The following GRM5 variants were observed in gnomAD, a reference collection of about 807,000 sequenced individuals.
GRM5 encodes the protein metabotropic glutamate receptor 5.
GRM5 carries 19 observed loss-of-function variants against 83.1 expected under a neutral mutation model. The observed-to-expected ratio is 0.23, with a 90% CI of 0.16 to 0.34. GRM5 has a LOEUF of 0.34. GRM5 is among the 10% of genes least tolerant of loss of function. The pLI is 1.00. For missense variants in GRM5, 1,160 were observed against 1,588.3 expected, an observed-to-expected ratio of 0.73 and a Z score of 4.58; for synonymous variants, 675 against 633.6, an observed-to-expected ratio of 1.07 and a Z score of -0.98.
At chr11:88,788,085 C>T (rs1300329188) in intron 3 of GRM5, among the ~76,000 whole-genome samples, 1 of 152,162 alleles carries the variant, frequency 6.6e-6, no homozygotes, top group Non-Finnish European at 1.5e-5. Context: ...TCCTGCTGGG[C>T]TTACCAGCTA....
rs1941671193 is a variant in GRM5 at position 89,047,698 on chromosome 11, C to T, written c.175G>A (p.Ala59Thr). The T allele has an allele frequency of 3.7e-6, 6 of 1,614,050 alleles. No individual in the cohort carries two copies. The highest frequency in any genetic ancestry group is 5.1e-6 in the Non-Finnish European group (6 of 1,179,984). Residue 59 changes from alanine to threonine, a missense_variant, in exon 2 of 10, where the codon GCG (alanine) becomes ACG (threonine). Coordinates refer to ENST00000305447, the MANE Select transcript of GRM5 (RefSeq NM_001143831.3). The surrounding 1 kb of genome is among the most constrained non-coding windows in gnomAD (Gnocchi z 5.1). The part of the protein sequence containing the change: ...VDKVHERKCG[A>T]VREQYGIQRV... Reference sequence around the variant, plus strand: ...TGAATGCCATACTGTTCACGGACCGCCCCACACTTCCTCTCATGAACTTTG... The same window carrying T: ...TGAATGCCATACTGTTCACGGACCGTCCCACACTTCCTCTCATGAACTTTG...
chr11:88,981,939 C>A (rs537334341), intron 2 of GRM5, among the ~76,000 whole-genome samples: 7 of 152,234 alleles, frequency 4.6e-5, no homozygotes, highest in Non-Finnish European at 8.8e-5. Context: ...ATTGATCAGC[C>A]ATGTTAGTTT....
intron 4 of GRM5, among the ~76,000 whole-genome samples, chr11:88,640,150 G>A (rs538868359): frequency 7.9e-5 from 12 of 152,202 alleles, no homozygotes; most frequent in African/African-American, 2.6e-4. Flanking sequence ...AATAATTCAA[G>A]AATGGGTATT....
chr11:88,794,839 C>T (rs1191596020), intron 3 of GRM5, among the ~76,000 whole-genome samples: 2 of 152,104 alleles, frequency 1.3e-5, no homozygotes, highest in African/African-American at 2.4e-5. Context: ...AATCTTCCTC[C>T]TAGATGGGCT....
chr11:88,830,920 G>T (rs1943979393), intron 3 of GRM5, among the ~76,000 whole-genome samples: 2 of 152,100 alleles, frequency 1.3e-5, no homozygotes, highest in South Asian at 2.1e-4. Flanking sequence ...AAGAGCTTGT[G>T]CAGGAAAGCT....
Position 88,769,159 on chromosome 11 carries a change from T to C in GRM5, c.911+80747A>G, listed in dbSNP as rs146829546. ...TTCCTTAAGCAAGGAAGCAAATGAA[T>C]AGCTCATGGTGGCAGCCAGGTTTTC... On this transcript the variant is annotated intron_variant, in intron 3 of 9. Transcript: ENST00000305447. 4.9e-3 allele frequency among the ~76,000 whole-genome samples: 746 copies of C among 152,166 alleles called. 5 individuals carry two copies. The highest frequency in any genetic ancestry group is 0.017 in the African/African-American group (718 of 41,536).
intron 2 of GRM5, among the ~76,000 whole-genome samples, chr11:88,864,092 G>A (rs1450914224): frequency 6.8e-6 from 1 of 147,666 alleles, no homozygotes; most frequent in African/African-American, 2.5e-5. Context: ...CCCTGCAGAA[G>A]GAGTTGACTT....
chr11:88,649,209 CAT>C (rs1317868068), intron 4 of GRM5, among the ~76,000 whole-genome samples: 210 of 137,748 alleles, frequency 1.5e-3, no homozygotes, highest in Non-Finnish European at 2.2e-3. Context: ...TATCTATACA[CAT>C]ATACACATAT....
At chr11:88,549,236 G>T (rs771722756) in intron 8 of GRM5, among the ~76,000 whole-genome samples, 2 of 151,994 alleles carry the variant, frequency 1.3e-5, no homozygotes, top group African/African-American at 2.4e-5. Flanking sequence ...GACCAGGGAG[G>T]GTGGATTTCT....
Position 88,604,741 on chromosome 11 carries a change from A to G in GRM5, c.1371T>C (p.Asp457=), listed in dbSNP as rs745627525. 19 of 1,611,748 alleles carry G rather than the reference A, an allele frequency of 1.2e-5. No individual in the cohort carries two copies. In the South Asian group the frequency reaches 1.8e-4, roughly 15 times the overall value. The change falls in exon 5 of 10, where the codon GAT becomes GAC. Residue 457 remains aspartate (D), a synonymous_variant. Transcript: ENST00000305447. Reference sequence around the variant, plus strand: ...ACCTTCCTGGAGAGTCTCCATTCTCATCGAATAGGATCGTATCTCCAGAAA... The same window carrying G: ...ACCTTCCTGGAGAGTCTCCATTCTCGTCGAATAGGATCGTATCTCCAGAAA... ...TGVSGDTILF[D]ENGDSPGRYE... is the part of the protein sequence containing the mutation.
chr11:89,000,969 C>T (rs1300202490), intron 2 of GRM5, among the ~76,000 whole-genome samples: 1 of 122,328 alleles, frequency 8.2e-6, no homozygotes, highest in African/African-American at 2.6e-5. Context: ...TATTGGCCAC[C>T]AGGGAAATGC....
At chr11:88,961,809 G>A (rs1468937401) in intron 2 of GRM5, among the ~76,000 whole-genome samples, 1 of 152,126 alleles carries the variant, frequency 6.6e-6, no homozygotes, top group African/African-American at 2.4e-5. Context: ...GTTACTAGGA[G>A]ATCCTAGAAG....
At chr11:88,984,583 A>G (rs1252071833) in intron 2 of GRM5, 1 of 451,126 alleles carries the variant, frequency 2.2e-6, no homozygotes, top group East Asian at 3.4e-5. Flanking sequence ...CAATATCTTT[A>G]TTATCTTAAC....
At chr11:88,764,889 G>A (rs116677706) in intron 3 of GRM5, among the ~76,000 whole-genome samples, 4 of 151,306 alleles carry the variant, frequency 2.6e-5, no homozygotes, top group South Asian at 2.1e-4. Context: ...AGACTAGAAA[G>A]ATTATAGAGA....
intron 2 of GRM5, among the ~76,000 whole-genome samples, chr11:88,952,590 T>C (rs1938497884): frequency 6.6e-6 from 1 of 151,294 alleles, no homozygotes; most frequent in Non-Finnish European, 1.5e-5. Context: ...TCTTGTAAAT[T>C]CCATAGTAAG....
At chr11:89,044,516 A>G (rs983559708) in intron 2 of GRM5, among the ~76,000 whole-genome samples, 7 of 152,154 alleles carry the variant, frequency 4.6e-5, no homozygotes, top group Non-Finnish European at 1.0e-4. Flanking sequence ...ATCTTGTGGT[A>G]CCCGTGACAC....
chr11:88,746,487 A>T (rs1942144910), intron 3 of GRM5, among the ~76,000 whole-genome samples: 1 of 152,024 alleles, frequency 6.6e-6, no homozygotes, highest in Admixed American at 6.6e-5. Context: ...CAAACAAATT[A>T]TTCCTATACT....
At chr11:88,990,293 T>C (rs1038815726) in intron 2 of GRM5, among the ~76,000 whole-genome samples, 3 of 152,058 alleles carry the variant, frequency 2.0e-5, no homozygotes, top group Non-Finnish European at 4.4e-5. Context: ...ACCCATACAC[T>C]TTCCCAAGAC....
intron 2 of GRM5, among the ~76,000 whole-genome samples, chr11:88,925,164 G>T (rs1945764578): frequency 6.6e-6 from 1 of 151,910 alleles, no homozygotes; most frequent in Non-Finnish European, 1.5e-5. Context: ...GATTTAATTA[G>T]CTCAACAGTG....
Sources: allele counts gnomAD v4.1 joint callset (sites outside exome capture counted in the v4.1 genomes callset), GRCh38; gene constraint gnomAD v4.1.1; non-coding constraint Gnocchi (gnomAD v3.1); transcripts MANE v1.5; gene names NCBI Gene and HGNC (gene_info 2026-07-23, HGNC 2026-07-21).